The following ZCWPW2 variants were observed in gnomAD, a reference collection of about 807,000 sequenced individuals.
ZCWPW2 encodes zinc finger CW-type and PWWP domain containing 2, also known as zinc finger CW-type PWWP domain protein 2.
In ZCWPW2, 45 loss-of-function variants were observed where a neutral mutation model predicts 46.6. The ratio of observed to expected loss-of-function variants is 0.96; its 90% CI spans 0.76 to 1.24. ZCWPW2 has a LOEUF of 1.24. Ranked by LOEUF, ZCWPW2 falls within the 50% of genes most tolerant of loss-of-function variation. ZCWPW2 has a pLI of 0.00. For synonymous variants in ZCWPW2, 152 were observed against 137.1 expected (o/e 1.11, Z -0.76); for missense variants, 429 against 403.9 (o/e 1.06, Z -0.53).
intron 3 of ZCWPW2, among the ~76,000 whole-genome samples, chr3:28,420,931 T>C (rs1696755121): frequency 6.6e-6 from 1 of 152,250 alleles, no homozygotes; most frequent in Admixed American, 6.5e-5. Context: ...GTATTGAAAG[T>C]ATCCATTCAG....
intron 2 of ZCWPW2, among the ~76,000 whole-genome samples, chr3:28,391,621 C>T (rs751283649): frequency 2.6e-5 from 4 of 152,142 alleles, no homozygotes; most frequent in African/African-American, 4.8e-5. Flanking sequence ...ACATGGCAGC[C>T]CCTGTGGAAG....
chr3:28,405,486 T>C (rs1696122251), intron 2 of ZCWPW2, among the ~76,000 whole-genome samples: 2 of 152,092 alleles, frequency 1.3e-5, no homozygotes, highest in Non-Finnish European at 2.9e-5. Context: ...TGTTTGTTTG[T>C]TTTTTTGAGA....
chr3:28,400,969 G>A (rs547520993), intron 2 of ZCWPW2, among the ~76,000 whole-genome samples: 156 of 152,226 alleles, frequency 1.0e-3, no homozygotes, highest in Non-Finnish European at 1.8e-3. Flanking sequence ...CACGAGGTCA[G>A]GAGATCAAGA....
At chr3:28,436,893 C>T (rs1018499741) in intron 4 of ZCWPW2, among the ~76,000 whole-genome samples, 1 of 152,156 alleles carries the variant, frequency 6.6e-6, no homozygotes, top group African/African-American at 2.4e-5. Context: ...ATGAAGCTGA[C>T]CTTAGAATCT....
chr3:28,420,099 T>G (rs1159723179), intron 3 of ZCWPW2, among the ~76,000 whole-genome samples: 1 of 151,974 alleles, frequency 6.6e-6, no homozygotes, highest in Non-Finnish European at 1.5e-5. Flanking sequence ...GCTCCTGGAA[T>G]CATTGATTTT....
chr3:28,477,659 A>G (rs1163066235), intron 4 of ZCWPW2, among the ~76,000 whole-genome samples: 1 of 152,212 alleles, frequency 6.6e-6, no homozygotes. Context: ...CTTTAAATAT[A>G]TAGTTTCATT....
intron 5 of ZCWPW2, among the ~76,000 whole-genome samples, chr3:28,483,133 C>T (rs978851931): frequency 6.6e-6 from 1 of 152,072 alleles, no homozygotes; most frequent in Non-Finnish European, 1.5e-5. Context: ...TTGCATTTCG[C>T]CCTATGATTC....
At chr3:28,445,150 A>T (rs1321528192) in intron 4 of ZCWPW2, among the ~76,000 whole-genome samples, 1 of 150,834 alleles carries the variant, frequency 6.6e-6, no homozygotes, top group African/African-American at 2.4e-5. Context: ...AACTAATAGG[A>T]TATATAGGTA....
At chr3:28,505,400 G>T (rs1700249312) in intron 6 of ZCWPW2, among the ~76,000 whole-genome samples, 1 of 152,078 alleles carries the variant, frequency 6.6e-6, no homozygotes, top group Non-Finnish European at 1.5e-5. Flanking sequence ...ATTGATGATT[G>T]ACATTTATAT....
intron 6 of ZCWPW2, among the ~76,000 whole-genome samples, chr3:28,506,008 T>C (rs1700264979): frequency 6.6e-6 from 1 of 150,436 alleles, no homozygotes; most frequent in African/African-American, 2.4e-5. Context: ...CTATGGATTT[T>C]CTGTCCTTTG....
At chr3:28,523,773 G>A (rs992255166) in intron 9 of ZCWPW2, among the ~76,000 whole-genome samples, 1 of 151,916 alleles carries the variant, frequency 6.6e-6, no homozygotes, top group Admixed American at 6.6e-5. Flanking sequence ...TTCCTACATA[G>A]AGTCACCTTC....
At chr3:28,465,758 C>CA (rs61207952) in intron 4 of ZCWPW2, among the ~76,000 whole-genome samples, 3,812 of 149,746 alleles carry the variant, frequency 0.025, 137 homozygotes, top group African/African-American at 0.079. Flanking sequence ...AACAATCAAA[C>CA]AAAAAAAAAC....
intron 4 of ZCWPW2, among the ~76,000 whole-genome samples, chr3:28,460,464 T>A (rs923302037): frequency 6.6e-6 from 1 of 152,190 alleles, no homozygotes; most frequent in East Asian, 1.9e-4. Flanking sequence ...GAATAAGCTG[T>A]CTAAATAAAC....
At chr3:28,468,384 G>T in intron 4 of ZCWPW2, among the ~76,000 whole-genome samples, 1 of 151,968 alleles carries the variant, frequency 6.6e-6, no homozygotes, top group Admixed American at 6.6e-5. Context: ...AAGAGATAGT[G>T]GTAGAAAATT....
chr3:28,523,908 C>T (rs1445805966), intron 9 of ZCWPW2, among the ~76,000 whole-genome samples: 3 of 151,912 alleles, frequency 2.0e-5, no homozygotes, highest in Non-Finnish European at 4.4e-5. Flanking sequence ...TTGAATAATC[C>T]ATACACAAAT....
At chr3:28,502,017 T>A (rs1355629014) in intron 6 of ZCWPW2, among the ~76,000 whole-genome samples, 1 of 152,002 alleles carries the variant, frequency 6.6e-6, no homozygotes, top group Admixed American at 6.6e-5. Flanking sequence ...GCCACCCACA[T>A]CCCACCAGAA....
At chr3:28,429,046 T>C (rs1366080115) in intron 3 of ZCWPW2, among the ~76,000 whole-genome samples, 2 of 152,098 alleles carry the variant, frequency 1.3e-5, no homozygotes, top group East Asian at 3.9e-4. Flanking sequence ...CCCAAAAATG[T>C]GGAAGCAACT....
At chr3:28,497,700 G>A (rs1700030736) in intron 6 of ZCWPW2, among the ~76,000 whole-genome samples, 1 of 152,028 alleles carries the variant, frequency 6.6e-6, no homozygotes. Context: ...TTTGAACCAA[G>A]ATTTAAGAGT....
intron 3 of ZCWPW2, among the ~76,000 whole-genome samples, 192 bp from the exon 4 acceptor site, chr3:28,434,918 T>C (rs1697421166): frequency 1.3e-5 from 2 of 152,208 alleles, no homozygotes; most frequent in South Asian, 4.1e-4. Context: ...TTCAAAGCTT[T>C]CTATAACTAT....
Sources: allele counts gnomAD v4.1 joint callset (sites outside exome capture counted in the v4.1 genomes callset), GRCh38; gene constraint gnomAD v4.1.1; transcripts MANE v1.5; gene names NCBI Gene and HGNC (gene_info 2026-07-23, HGNC 2026-07-21).